The following PLIN4 variants were observed in gnomAD, a reference collection of about 807,000 sequenced individuals.
PLIN4 encodes perilipin-4.
A neutral mutation model predicts 52.4 loss-of-function variants in PLIN4; 57 were observed. The observed-to-expected ratio is 1.09, with a 90% CI of 0.88 to 1.36. The LOEUF is 1.36. Among genes scored for constraint, PLIN4 ranks in the 40% most tolerant of loss-of-function variants. PLIN4 has a pLI of 0.00. For missense variants in PLIN4, 1,757 were observed against 1,770.3 expected (o/e 0.99, Z 0.13); for synonymous variants, 826 against 785.4 (o/e 1.05, Z -0.86).
chr19:4,510,725 G>A lies in PLIN4; in HGVS notation c.3235C>T (p.Gln1079Ter). 1.9e-6 allele frequency: 3 copies of A among 1,543,202 alleles called. No individual in the cohort carries two copies. The highest frequency in any genetic ancestry group is 1.7e-6 in the Non-Finnish European group (2 of 1,145,866). Residue 1079 changes from glutamine to a stop codon, truncating the protein, a stop_gained, in exon 5 of 8, where the codon CAG becomes TAG. Transcript: ENST00000301286. LOFTEE classifies it high-confidence loss of function. Reference protein sequence around the residue: ...SSRTTDNGGEQTALSPQEAPF... With the variant: ...SSRTTDNGGE ...GCCTCTTGGGGGCTCAGGGCAGTCT[G>A]CTCCCCACCATTGTCTGTGGTCCTG...
In PLIN4 at chr19:4,504,107, G is replaced by C. The variant is rs1398677293; in HGVS notation, c.*352C>G. ...AAAAGGGTTGCTAGCGGGGCAAACA[G>C]ATGCCCTTCCAGGCTGGGCACGCTG... On this transcript the variant is annotated 3_prime_UTR_variant, in exon 8 of 8. Transcript: ENST00000301286. 1 of 229,424 alleles carries C rather than the reference G, an allele frequency of 4.4e-6. No individual in the cohort carries two copies. Among genetic ancestry groups the C allele is most frequent in the Non-Finnish European group, 8.4e-6 (1 of 118,754 alleles). 14.2% of individuals were successfully genotyped at this position (229,424 alleles called of 1,614,324 possible).
chr19:4,510,839 C>T lies in PLIN4; in HGVS notation c.3121G>A (p.Ala1041Thr), dbSNP rs770279822. 6.2e-7 allele frequency: 1 copy of T among 1,612,476 alleles called. No homozygotes were observed. The highest frequency in any genetic ancestry group is 1.7e-5 in the Admixed American group (1 of 59,982). Residue 1041 changes from alanine to threonine, a missense_variant, in exon 5 of 8, where the codon GCG (alanine) becomes ACG (threonine). Physicochemically the swap from Ala to Thr is moderately conservative, Grantham distance 58 (BLOSUM62 0). Transcript: ENST00000301286. ...SAGLMGSGNV[A>T]TGATHTGLST... ...AGGCCAGTGTGGGTGGCCCCTGTCG[C>T]CACGTTCCCTGACCCCATGAGCCCA...
chr19:4,514,466 C>T (rs1976531298), intron 4 of PLIN4, among the ~76,000 whole-genome samples: 1 of 151,476 alleles, frequency 6.6e-6, no homozygotes, highest in African/African-American at 2.4e-5. Context: ...TGATATACGC[C>T]TGTAATCCCA....
chr19:4,515,302 C>G (rs544846155), intron 4 of PLIN4, among the ~76,000 whole-genome samples: 1 of 152,076 alleles, frequency 6.6e-6, no homozygotes, highest in East Asian at 1.9e-4. Context: ...CAGAGTCTCA[C>G]TCTGTCACCC....
chr19:4,503,615 G>C lies in PLIN4; in HGVS notation c.*844C>G, dbSNP rs1975995276. 1 of 152,414 alleles carries C rather than the reference G, an allele frequency of 6.6e-6. No individual in the cohort carries two copies. The highest frequency in any genetic ancestry group is 2.1e-4 in the South Asian group (1 of 4,836). 9.4% of individuals were successfully genotyped at this position (152,414 alleles called of 1,614,324 possible). On this transcript the variant is annotated 3_prime_UTR_variant, in exon 8 of 8. Coordinates refer to ENST00000301286, the MANE Select transcript of PLIN4 (RefSeq NM_001367868.2). Reference sequence around the variant, plus strand: ...TTCCCTGCGGGGAAGTCCTTTGTCTGTGTTCTCCAGGGGCAGCTGCTGGGC... The same window carrying C: ...TTCCCTGCGGGGAAGTCCTTTGTCTCTGTTCTCCAGGGGCAGCTGCTGGGC...
In PLIN4 at chr19:4,504,386, G is replaced by T; in HGVS notation, c.*73C>A. ...GGAACCGATCCAGGTTTGGGGGCGGGGAGAAAGTTCTGAGGCAGCTCCTCC... is the reference window on the plus strand; with the variant it reads ...GGAACCGATCCAGGTTTGGGGGCGGTGAGAAAGTTCTGAGGCAGCTCCTCC... On this transcript the variant is annotated 3_prime_UTR_variant, in exon 8 of 8. Coordinates refer to ENST00000301286, the MANE Select transcript of PLIN4 (RefSeq NM_001367868.2). 7.3e-7 allele frequency: 1 copy of T among 1,367,102 alleles called. No individual in the cohort carries two copies. The highest frequency in any genetic ancestry group is 1.5e-5 in the South Asian group (1 of 65,202). 84.7% of individuals were successfully genotyped at this position (1,367,102 alleles called of 1,614,324 possible). A position where few individuals can be genotyped will look rare whatever the true frequency, so the allele number is the denominator to read the frequency against.
chr19:4,504,946 A>G lies in PLIN4; in HGVS notation c.3704T>C (p.Ile1235Thr), dbSNP rs1189901209. 5.6e-6 allele frequency: 9 copies of G among 1,601,286 alleles called. No homozygotes were observed. In the South Asian group the frequency reaches 5.6e-5, roughly 10 times the overall value. Residue 1235 changes from isoleucine (I) to threonine (T), a missense_variant and splice_region_variant, in exon 7 of 8, where the codon ATT becomes ACT. Around this residue, in one of 7 missense-constraint regions of PLIN4, gnomAD observed 712 missense variants for 637.1 expected, o/e 1.12. Coordinates refer to ENST00000301286, the MANE Select transcript of PLIN4 (RefSeq NM_001367868.2). ...LAQLQDCFRL[I>T]EKAQQAPEGQ... is the part of the protein sequence containing the mutation. ...TTCTGGAGCCTGCTGGGCCTTTTCA[A>G]TCTGGAGAGAGAGTACAGTGGGGAA... is the stretch of plus-strand genomic sequence containing the variant.
At chr19:4,517,312 A>T (rs1047788858) in intron 3 of PLIN4, among the ~76,000 whole-genome samples, 9 of 32,206 alleles carry the variant, frequency 2.8e-4, no homozygotes, top group Admixed American at 3.9e-4. Context: ...GGAACGGCCG[A>T]GGGACTGAGT....
rs956269726 is a variant in PLIN4, at chr19:4,518,482, C to T, written c.-115G>A. On this transcript the variant is annotated 5_prime_UTR_variant, in exon 1 of 8. Transcript: ENST00000301286. ...CTGGAGGACGGACCGGCCCGGCTGG[C>T]AGCTGGCTCTACCCTCAGCTCCCTG... 4.9e-6 allele frequency: 6 copies of T among 1,214,308 alleles called. No individual in the cohort carries two copies. The highest frequency in any genetic ancestry group is 1.6e-5 in the African/African-American group (1 of 63,990). The allele number at this position is 1,214,308 out of a possible 1,614,324, so 75.2% of individuals were successfully genotyped here.
intron 6 of PLIN4, 141 bp downstream of exon 6, chr19:4,508,627 T>C: frequency 1.0e-6 from 1 of 970,480 alleles, no homozygotes; most frequent in South Asian, 1.8e-5. Context: ...GCAAGCCCCA[T>C]GAGTACAGAG....
rs376426164 is a variant in PLIN4, at chr19:4,517,576, C to T, written c.174G>A (p.Glu58=). Residue 58 remains glutamate (E), a synonymous_variant, in exon 3 of 8, where the codon GAG becomes GAA. Coordinates refer to ENST00000301286, the MANE Select transcript of PLIN4 (RefSeq NM_001367868.2). ...AADPTGAPAA[E]AAQPQAQVAA... ...CACCCTGAGCCTGTGGTTGGGCAGC[C>T]TCGGCAGCAGGCGCTCCTGTGGGGT... 132 of 1,610,254 alleles carry T rather than the reference C, an allele frequency of 8.2e-5. No individual in the cohort carries two copies. The African/African-American group carries it at 1.4e-3, about 17-fold the overall frequency.
intron 4 of PLIN4, among the ~76,000 whole-genome samples, chr19:4,515,333 G>A (rs987739587): frequency 6.6e-6 from 1 of 150,484 alleles, no homozygotes; most frequent in African/African-American, 2.4e-5. Context: ...GCAGTGGCGA[G>A]ATCTCGGCTC....
In PLIN4 at chr19:4,508,972, A is replaced by ACCGCTCAGTCCCGGAAGCCCCT; in HGVS notation, c.3515-39_3515-18dup. On this transcript the variant is annotated splice_polypyrimidine_tract_variant and intron_variant, in intron 5 of 7. Coordinates refer to ENST00000301286, the MANE Select transcript of PLIN4 (RefSeq NM_001367868.2). ...CCAGCTGAGCTGGAAAGGAAGGCGC[A>ACCGCTCAGTCCCGGAAGCCCCT]CCGCTCAGTCCCGGAAGCCCCTCAG... is the stretch of plus-strand genomic sequence containing the variant. 6.2e-7 allele frequency: 1 copy of ACCGCTCAGTCCCGGAAGCCCCT among 1,603,544 alleles called. No individual in the cohort carries two copies. The highest frequency in any genetic ancestry group is 8.5e-7 in the Non-Finnish European group (1 of 1,175,636).
intron 2 of PLIN4, among the ~76,000 whole-genome samples, chr19:4,517,972 C>T (rs1211738005): frequency 6.6e-6 from 1 of 152,212 alleles, no homozygotes; most frequent in Non-Finnish European, 1.5e-5. Context: ...AACTGAGGCT[C>T]AGAGAGGGGC....
rs1483648096 is a variant in PLIN4 at position 4,504,446 on chromosome 19, C to T, written c.*13G>A. On this transcript the variant is annotated 3_prime_UTR_variant, in exon 8 of 8. Transcript: ENST00000301286. ...GCAGGGCGACCCCGCGCCGGGCCTG[C>T]AGGCTCCTACAGCTACTGCCCGCCA... The T allele has an allele frequency of 1.3e-6, 2 of 1,544,360 alleles. No individual in the cohort carries two copies. The highest frequency in any genetic ancestry group is 2.1e-4 in the Middle Eastern group (1 of 4,830).
rs201113987 is a variant in PLIN4 at position 4,511,877 on chromosome 19, C to G, written c.2083G>C (p.Gly695Arg). The G allele has an allele frequency of 3.1e-6, 5 of 1,607,814 alleles. No homozygotes were observed. The highest frequency in any genetic ancestry group is 1.7e-5 in the Admixed American group (1 of 59,796). The change falls in exon 5 of 8, where the codon GGC becomes CGC. Residue 695 changes from glycine (G) to arginine (R), a missense_variant. Gly to Arg is a moderately radical substitution (Grantham distance 125). Coordinates refer to ENST00000301286, the MANE Select transcript of PLIN4 (RefSeq NM_001367868.2). The part of the protein sequence containing the change: ...GVDTAKTVLT[G>R]TKDTVTTGLM... ...CCAGTAGTGACTGTGTCCTTGGTGC[C>G]GGTCAGCACGGTCTTGGCCGTGTCT...
In PLIN4 at chr19:4,512,311, A is replaced by G; in HGVS notation, c.1649T>C (p.Val550Ala). 1 of 1,608,860 alleles carries G rather than the reference A, an allele frequency of 6.2e-7. No individual in the cohort carries two copies. Among genetic ancestry groups the G allele is most frequent in the Non-Finnish European group, 8.5e-7 (1 of 1,178,934 alleles). Residue 550 changes from valine (V) to alanine (A), a missense_variant, in exon 5 of 8, where the codon GTC becomes GCC. By Grantham distance (64) the Val-to-Ala change is moderately conservative. Coordinates refer to ENST00000301286, the MANE Select transcript of PLIN4 (RefSeq NM_001367868.2). Reference sequence around the variant, plus strand: ...CTTGGTGGTGTCCAGGCCCCCCTGGACGGCCCCTTTGGCCACGTTCACAGC... The same window carrying G: ...CTTGGTGGTGTCCAGGCCCCCCTGGGCGGCCCCTTTGGCCACGTTCACAGC... ...TSAVNVAKGAVQGGLDTTKSV... is the reference protein window; with the variant it reads ...TSAVNVAKGAAQGGLDTTKSV...
In PLIN4 at chr19:4,502,405, T is replaced by C. The variant is rs1057027130; in HGVS notation, c.*2054A>G. On this transcript the variant is annotated 3_prime_UTR_variant, in exon 8 of 8. Coordinates refer to ENST00000301286, the MANE Select transcript of PLIN4 (RefSeq NM_001367868.2). ...GCAGGAGAGCTGGGCGGGAGCAAGC[T>C]CTTCCCAGGAGACAAGAGGGACAAA... 5.8e-6 allele frequency: 2 copies of C among 345,904 alleles called. No homozygotes were observed. Among genetic ancestry groups the C allele is most frequent in the Non-Finnish European group, 1.1e-5 (2 of 183,782 alleles). 21.4% of individuals were successfully genotyped at this position (345,904 alleles called of 1,614,324 possible).
At position 4,513,694 on chromosome 19, in the gene PLIN4, G is replaced by A; in HGVS notation, c.266C>T (p.Ser89Phe). ...GGAACACACCAGGTCTTTGGCCCCGGACACCATCTGCTGAGAAAGGACACA... is the reference window on the plus strand; with the variant it reads ...GGAACACACCAGGTCTTTGGCCCCGAACACCATCTGCTGAGAAAGGACACA... ...KELQPSEKMV[S>F]GAKDLVCSKM... Residue 89 changes from serine to phenylalanine, a missense_variant, in exon 5 of 8, where the codon TCC (serine) becomes TTC (phenylalanine). By Grantham distance (155) the Ser-to-Phe change is radical. This residue lies in a region of PLIN4 where 332 missense variants were observed against 310.8 expected (regional missense o/e 1.07). Coordinates refer to ENST00000301286, the MANE Select transcript of PLIN4 (RefSeq NM_001367868.2). 1.9e-6 allele frequency: 3 copies of A among 1,573,802 alleles called. No individual in the cohort carries two copies. Among genetic ancestry groups the A allele is most frequent in the African/African-American group, 1.3e-5 (1 of 74,214 alleles).
Sources: gnomAD v4.1 joint callset for allele counts (sites outside exome capture counted in the v4.1 genomes callset) on GRCh38, gnomAD v4.1.1 for gene constraint, gnomAD v4.1.1 regional missense constraint, MANE v1.5 for transcripts, NCBI Gene and HGNC (gene_info 2026-07-23, HGNC 2026-07-21) for gene names.